XYLT1: variants seen among roughly 807,000 people sequenced by gnomAD.
The protein encoded by XYLT1 is beta-D-xylosyltransferase 1.
XYLT1 carries 36 observed loss-of-function variants against 91.3 expected under a neutral mutation model. The observed-to-expected ratio is 0.39, with a 90% CI of 0.30 to 0.52. The LOEUF is 0.52. XYLT1 is among the 20% of genes least tolerant of loss of function. XYLT1 has a pLI of 0.68. For synonymous variants in XYLT1, 588 were observed against 532.0 expected (o/e 1.11, Z -1.45); for missense variants, 1,242 against 1,284.5 (o/e 0.97, Z 0.51).
chr16:17,269,343 T>C (rs2033853088), intron 2 of XYLT1, among the ~76,000 whole-genome samples: 1 of 151,608 alleles, frequency 6.6e-6, no homozygotes, highest in South Asian at 2.1e-4. Flanking sequence ...TTCACCACTA[T>C]ACCCAGCTTT....
intron 1 of XYLT1, among the ~76,000 whole-genome samples, chr16:17,379,751 T>A (rs1181550258): frequency 7.2e-5 from 9 of 124,440 alleles, no homozygotes; most frequent in South Asian, 2.5e-4. Flanking sequence ...TCTCTCTCTC[T>A]CTCTCTCTCT....
At chr16:17,313,050 C>A (rs367940440) in intron 2 of XYLT1, among the ~76,000 whole-genome samples, 114 of 152,338 alleles carry the variant, frequency 7.5e-4, no homozygotes, top group African/African-American at 2.6e-3. Context: ...AGATCCCCAG[C>A]CTTGTTGGCT....
chr16:17,269,429 G>A (rs920199113), intron 2 of XYLT1, among the ~76,000 whole-genome samples: 2 of 151,988 alleles, frequency 1.3e-5, no homozygotes, highest in Admixed American at 6.6e-5. Context: ...GGCAATCCTT[G>A]GCTTCCTAAA....
At chr16:17,354,205 C>A (rs2035261555) in intron 2 of XYLT1, among the ~76,000 whole-genome samples, 1 of 152,098 alleles carries the variant, frequency 6.6e-6, no homozygotes. Flanking sequence ...TGGTGCCTCC[C>A]CAGGGGCAGC....
chr16:17,426,654 G>A (rs1230340206), intron 1 of XYLT1, among the ~76,000 whole-genome samples: 1 of 152,210 alleles, frequency 6.6e-6, no homozygotes. Context: ...TGTAAATAAA[G>A]TTTTATTGAC....
At chr16:17,214,877 A>G (rs1210516836) in intron 3 of XYLT1, among the ~76,000 whole-genome samples, 2 of 152,170 alleles carry the variant, frequency 1.3e-5, no homozygotes, top group Non-Finnish European at 2.9e-5. Flanking sequence ...CCTTTCTGTG[A>G]AGCCAAAATG....
At chr16:17,394,399 A>G (rs1280345658) in intron 1 of XYLT1, among the ~76,000 whole-genome samples, 1 of 152,130 alleles carries the variant, frequency 6.6e-6, no homozygotes, top group Admixed American at 6.5e-5. Context: ...TCTCCACACG[A>G]TCCACCAAGT....
rs116806514 is a variant in XYLT1 at position 17,353,530 on chromosome 16, T to C, written c.402+4482A>G. On this transcript the variant is annotated intron_variant, in intron 2 of 11. Coordinates refer to ENST00000261381, the MANE Select transcript of XYLT1 (RefSeq NM_022166.4). ...GCGCAGGGACATGTTTTGCTTTTGT[T>C]CTTTTAAAATAAATTTTCATTCGGG... is the stretch of plus-strand genomic sequence containing the variant. Among the ~76,000 whole-genome samples the C allele has an allele frequency of 8.3e-3, 1,263 of 152,336 alleles. 23 individuals carry two copies. The highest frequency in any genetic ancestry group is 0.029 in the African/African-American group (1,199 of 41,566).
intron 3 of XYLT1, among the ~76,000 whole-genome samples, chr16:17,212,023 G>A (rs2032766239): frequency 6.6e-6 from 1 of 152,174 alleles, no homozygotes; most frequent in South Asian, 2.1e-4. Context: ...TGGGGGATAG[G>A]GCGTGGAGAG....
intron 1 of XYLT1, among the ~76,000 whole-genome samples, chr16:17,375,791 C>T (rs569076842): frequency 2.4e-4 from 36 of 152,342 alleles, no homozygotes; most frequent in Non-Finnish European, 4.0e-4. Flanking sequence ...CACATTTCCA[C>T]GCTTCAGATA....
chr16:17,166,097 T>C (rs1243925773), intron 5 of XYLT1, among the ~76,000 whole-genome samples: 3 of 152,170 alleles, frequency 2.0e-5, no homozygotes, highest in East Asian at 1.9e-4. Flanking sequence ...AGCAGGGGCC[T>C]TCTGGGTTCC....
rs184581859 is a variant in XYLT1 at position 17,275,247 on chromosome 16, C to T, written c.403-15749G>A. Among the ~76,000 whole-genome samples, 39 of 152,274 alleles carry T rather than the reference C, an allele frequency of 2.6e-4. No homozygotes were observed. The East Asian group carries it at 7.5e-3, about 29-fold the overall frequency. On this transcript the variant is annotated intron_variant, in intron 2 of 11. Coordinates refer to ENST00000261381, the MANE Select transcript of XYLT1 (RefSeq NM_022166.4). Reference sequence around the variant, plus strand: ...CTATTGGGTAGGTGCAATTAGTATCCACATTTCACAGGTGAAAGTATGGAG... The same window carrying T: ...CTATTGGGTAGGTGCAATTAGTATCTACATTTCACAGGTGAAAGTATGGAG...
Position 17,413,562 on chromosome 16 carries a change from G to A in XYLT1, c.364-55512C>T, listed in dbSNP as rs998573584. Among the ~76,000 whole-genome samples the A allele has an allele frequency of 4.6e-5, 7 of 151,476 alleles. No homozygotes were observed. The South Asian group carries it at 6.3e-4, about 14-fold the overall frequency. On this transcript the variant is annotated intron_variant, in intron 1 of 11. Coordinates refer to ENST00000261381, the MANE Select transcript of XYLT1 (RefSeq NM_022166.4). ...TTGGGTTCAATCAACCTCAGTGTTC[G>A]GAGTACCTGGGACTACAGGTGCTCA...
intron 2 of XYLT1, among the ~76,000 whole-genome samples, chr16:17,275,796 C>T (rs2033964186): frequency 6.6e-6 from 1 of 152,158 alleles, no homozygotes. Flanking sequence ...AAATGGGTCT[C>T]CTGCTGTTGA....
At chr16:17,197,721 C>G (rs2032458046) in intron 5 of XYLT1, among the ~76,000 whole-genome samples, 1 of 152,194 alleles carries the variant, frequency 6.6e-6, no homozygotes, top group Admixed American at 6.5e-5. Context: ...AGTTCTTCAG[C>G]TTTGGGATCT....
chr16:17,432,026 A>G (rs942581422), intron 1 of XYLT1, among the ~76,000 whole-genome samples: 1 of 152,114 alleles, frequency 6.6e-6, no homozygotes, highest in Admixed American at 6.5e-5. Context: ...CAATGGTTGT[A>G]TTTCACACAC....
At chr16:17,405,417 G>T (rs1596528780) in intron 1 of XYLT1, among the ~76,000 whole-genome samples, 2 of 152,184 alleles carry the variant, frequency 1.3e-5, no homozygotes, top group South Asian at 4.1e-4. Flanking sequence ...GGCCGGAGCG[G>T]CTGACTTTCC....
intron 3 of XYLT1, among the ~76,000 whole-genome samples, chr16:17,257,358 G>A (rs1396108121): frequency 3.9e-5 from 6 of 152,124 alleles, no homozygotes; most frequent in South Asian, 2.1e-4. Context: ...ATCCACACCC[G>A]TTTATTTCAA....
chr16:17,467,876 G>A (rs542987217), intron 1 of XYLT1, among the ~76,000 whole-genome samples: 5 of 151,712 alleles, frequency 3.3e-5, no homozygotes, highest in Non-Finnish European at 7.4e-5. Flanking sequence ...ACAGAGCACT[G>A]AGCTAAAGCA....
Sources: allele counts gnomAD v4.1 joint callset (sites outside exome capture counted in the v4.1 genomes callset), GRCh38; gene constraint gnomAD v4.1.1; transcripts MANE v1.5; gene names NCBI Gene and HGNC (gene_info 2026-07-23, HGNC 2026-07-21).